The following ADCY2 variants were observed in gnomAD, a reference collection of about 807,000 sequenced individuals.
ADCY2 encodes the protein adenylate cyclase 2, also known as adenylate cyclase type 2.
A neutral mutation model predicts 125.2 loss-of-function variants in ADCY2; 31 were observed. That is an observed-to-expected ratio of 0.25 (90% CI 0.19 to 0.33). ADCY2 has a LOEUF of 0.33. Ranked by LOEUF, ADCY2 falls within the 10% of genes least tolerant of loss-of-function variation. The pLI is 1.00. For missense variants in ADCY2, 904 were observed against 1,418.2 expected, an observed-to-expected ratio of 0.64 and a Z score of 5.82; for synonymous variants, 512 against 548.4, an observed-to-expected ratio of 0.93 and a Z score of 0.93.
chr5:7,696,645 C>G (rs189478380), intron 6 of ADCY2, among the ~76,000 whole-genome samples: 2 of 152,296 alleles, frequency 1.3e-5, no homozygotes, highest in East Asian at 3.9e-4. Context: ...AGTTATTTAG[C>G]TATGGAAGAA....
chr5:7,709,589 C>T lies in ADCY2; in HGVS notation c.1578+202C>T, dbSNP rs770267541. Reference sequence around the variant, plus strand: ...GACATTGCTAAGGGTTCCACCCTAGCGTGATTTTGCATTATAGCTTCATAA... The same window carrying T: ...GACATTGCTAAGGGTTCCACCCTAGTGTGATTTTGCATTATAGCTTCATAA... On this transcript the variant is annotated intron_variant, in intron 10 of 24. Coordinates refer to ENST00000338316, the MANE Select transcript of ADCY2 (RefSeq NM_020546.3). This position sits in a 1 kb window ranked among gnomAD's most constrained non-coding sequence, Gnocchi z 4.4. Among the ~76,000 whole-genome samples, 1 of 152,206 alleles carries T rather than the reference C, an allele frequency of 6.6e-6. No homozygotes were observed. The highest frequency in any genetic ancestry group is 2.4e-5 in the African/African-American group (1 of 41,438).
chr5:7,487,620 A>G (rs982582748), intron 2 of ADCY2, among the ~76,000 whole-genome samples: 2 of 152,138 alleles, frequency 1.3e-5, no homozygotes, highest in Admixed American at 1.3e-4. Flanking sequence ...CTCAGCTCCT[A>G]GATAACACAT....
At chr5:7,688,655 C>A (rs557641281) in intron 4 of ADCY2, among the ~76,000 whole-genome samples, 2 of 152,206 alleles carry the variant, frequency 1.3e-5, no homozygotes, top group South Asian at 4.1e-4. Flanking sequence ...ATATTACATA[C>A]TTTGTATGTA....
rs144338452 is a variant in ADCY2 at position 7,584,703 on chromosome 5, T to G, written c.571-41464T>G. Among the ~76,000 whole-genome samples, 179 of 152,264 alleles carry G rather than the reference T, an allele frequency of 1.2e-3. 1 individual carries two copies. Among genetic ancestry groups the G allele is most frequent in the African/African-American group, 4.1e-3 (170 of 41,554 alleles). ...CCAAAGAGCTGAGATCTTGTAAAAT[T>G]TTTATTTATCAGAAATGCAGGTGTA... On this transcript the variant is annotated intron_variant, in intron 3 of 24. Transcript: ENST00000338316.
intron 3 of ADCY2, among the ~76,000 whole-genome samples, chr5:7,570,637 ATG>A (rs1256941269): frequency 1.6e-3 from 166 of 105,768 alleles, no homozygotes; most frequent in Non-Finnish European, 3.3e-3. Context: ...AAAAAAAAAA[ATG>A]CTTGTGTTTG....
rs568913032 is a variant in ADCY2, at chr5:7,699,360, G to A, written c.1109+986G>A. ...GATCCGCCCGCCTCGGCCTCCCAAA[G>A]TGCTGGGATTACAGGCGTGAGCCAC... On this transcript the variant is annotated intron_variant, in intron 7 of 24. Transcript: ENST00000338316. 3.3e-5 allele frequency among the ~76,000 whole-genome samples: 5 copies of A among 151,814 alleles called. No homozygotes were observed. The South Asian group carries it at 1.0e-3, about 32-fold the overall frequency.
At chr5:7,591,398 A>C (rs545688636) in intron 3 of ADCY2, among the ~76,000 whole-genome samples, 10 of 152,338 alleles carry the variant, frequency 6.6e-5, no homozygotes, top group Non-Finnish European at 1.5e-4. Context: ...TGAACAGGAC[A>C]GGTGATGTGA....
intron 2 of ADCY2, among the ~76,000 whole-genome samples, chr5:7,440,805 C>T (rs6889787): frequency 0.011 from 1,718 of 152,202 alleles, 33 homozygotes; most frequent in African/African-American, 0.039. Context: ...ATAACCATGT[C>T]GGATAAGCCA....
chr5:7,815,854 G>T (rs938308078), intron 22 of ADCY2, among the ~76,000 whole-genome samples: 2 of 152,150 alleles, frequency 1.3e-5, no homozygotes, highest in African/African-American at 2.4e-5. Context: ...GCAAACGGGG[G>T]ACTTAAACCA....
At chr5:7,624,651 T>G (rs200884218) in intron 3 of ADCY2, among the ~76,000 whole-genome samples, 1 of 152,216 alleles carries the variant, frequency 6.6e-6, no homozygotes, top group Non-Finnish European at 1.5e-5. Context: ...ACAGCTATGA[T>G]TCTCTGTTCA....
intron 2 of ADCY2, among the ~76,000 whole-genome samples, chr5:7,446,036 G>A (rs767716161): frequency 6.6e-6 from 1 of 152,138 alleles, no homozygotes; most frequent in African/African-American, 2.4e-5. Context: ...GCGACAGTTG[G>A]CATCTGTGCA....
At chr5:7,610,434 A>G (rs529663308) in intron 3 of ADCY2, among the ~76,000 whole-genome samples, 2 of 152,162 alleles carry the variant, frequency 1.3e-5, no homozygotes, top group South Asian at 4.2e-4. Flanking sequence ...AGTAGGAAGG[A>G]GACATTGGGT....
chr5:7,544,546 A>T (rs1735092134), intron 3 of ADCY2, among the ~76,000 whole-genome samples: 1 of 152,158 alleles, frequency 6.6e-6, no homozygotes, highest in Non-Finnish European at 1.5e-5. Flanking sequence ...GTCATCCAGG[A>T]TGCTCTCTCC....
In ADCY2 at chr5:7,572,146, G is replaced by T. The variant is rs370205607; in HGVS notation, c.570+51247G>T. On this transcript the variant is annotated intron_variant, in intron 3 of 24. Transcript: ENST00000338316. ...GATGGAACAATTTATATTCCTGTGG[G>T]TATATACCTAGTAATGGGATTGCTG... Among the ~76,000 whole-genome samples the T allele has an allele frequency of 2.6e-5, 4 of 152,124 alleles. No homozygotes were observed. The East Asian group carries it at 5.8e-4, about 22-fold the overall frequency.
At chr5:7,542,164 G>C (rs1017827405) in intron 3 of ADCY2, among the ~76,000 whole-genome samples, 5 of 152,128 alleles carry the variant, frequency 3.3e-5, no homozygotes, top group Non-Finnish European at 7.3e-5. Context: ...TGGCTGCAGA[G>C]TCCCCCCCAT....
At chr5:7,700,719 CCACACA>C (rs56197160) in intron 7 of ADCY2, among the ~76,000 whole-genome samples, 67 of 98,340 alleles carry the variant, frequency 6.8e-4, no homozygotes, top group South Asian at 3.8e-3. Context: ...CTCGCACCCA[CCACACA>C]CACACACACA....
rs1738425009 is a variant in ADCY2 at position 7,634,434 on chromosome 5, G to A, written c.720+8118G>A. On this transcript the variant is annotated intron_variant, in intron 4 of 24. Transcript: ENST00000338316. ...TTTATCCTAGAACTTCTGTAGAAAAGTCCTTTAATGTACTTACGGATGATG... is the reference window on the plus strand; with the variant it reads ...TTTATCCTAGAACTTCTGTAGAAAAATCCTTTAATGTACTTACGGATGATG... 2.0e-5 allele frequency among the ~76,000 whole-genome samples: 3 copies of A among 152,140 alleles called. 1 individual carries two copies. In the South Asian group the frequency reaches 6.2e-4, roughly 32 times the overall value.
intron 4 of ADCY2, among the ~76,000 whole-genome samples, chr5:7,667,520 A>G (rs1441509415): frequency 5.8e-4 from 89 of 152,298 alleles, no homozygotes; most frequent in Non-Finnish European, 1.8e-4. Flanking sequence ...TTAACATGAT[A>G]ATATCCCCTT....
intron 4 of ADCY2, among the ~76,000 whole-genome samples, chr5:7,643,352 G>A (rs1738779121): frequency 2.0e-5 from 3 of 151,992 alleles, no homozygotes; most frequent in South Asian, 4.1e-4. Flanking sequence ...CAGACACTCA[G>A]TAAATTCTCT....
Sources: gnomAD v4.1 joint callset for allele counts (sites outside exome capture counted in the v4.1 genomes callset) on GRCh38, gnomAD v4.1.1 for gene constraint, Gnocchi (gnomAD v3.1) non-coding constraint, MANE v1.5 for transcripts, NCBI Gene and HGNC (gene_info 2026-07-23, HGNC 2026-07-21) for gene names.